The following SYNJ1 variants were observed in gnomAD, a reference collection of about 807,000 sequenced individuals.
SYNJ1 encodes polyphosphatidylinositol phosphatase SYNJ1.
A neutral mutation model predicts 168.2 loss-of-function variants in SYNJ1; 78 were observed. That is an observed-to-expected ratio of 0.46 (90% confidence interval 0.39 to 0.56). SYNJ1 has a LOEUF of 0.56. Among genes scored for constraint, SYNJ1 ranks in the 20% least tolerant of loss-of-function variants. SYNJ1 has a pLI of 0.00. For synonymous variants in SYNJ1, 539 were observed against 548.6 expected, an observed-to-expected ratio of 0.98 and a Z score of 0.24; for missense variants, 1,303 against 1,597.6, an observed-to-expected ratio of 0.82 and a Z score of 3.14.
rs369372843 is a variant in SYNJ1 at position 32,681,554 on chromosome 21, T to C, written c.1295A>G (p.Asn432Ser). Residue 432 changes from asparagine (N) to serine (S), a missense_variant, in exon 11 of 33, where the codon AAT becomes AGT. Physicochemically the swap from Asn to Ser is conservative, Grantham distance 46 (BLOSUM62 1). Around this residue, in one of 2 missense-constraint regions of SYNJ1, gnomAD observed 920 missense variants for 1,208.8 expected, o/e 0.76. Transcript: ENST00000674351. ...QEVFRSMWSV[N>S]GDSISKIYAG... is the part of the protein sequence containing the mutation. ...ATATATCTTACTGATTGAATCACCATTCACGGACCACATTGACCGAAAAAC... is the reference window on the plus strand; with the variant it reads ...ATATATCTTACTGATTGAATCACCACTCACGGACCACATTGACCGAAAAAC... 6.2e-7 allele frequency: 1 copy of C among 1,613,766 alleles called. No individual in the cohort carries two copies. Among genetic ancestry groups the C allele is most frequent in the Non-Finnish European group, 8.5e-7 (1 of 1,179,864 alleles).
At chr21:32,695,432 A>T (rs901079782) in intron 4 of SYNJ1, 150 bp from the exon 5 acceptor site, 3 of 754,462 alleles carry the variant, frequency 4.0e-6, no homozygotes, top group Non-Finnish European at 6.2e-6. Flanking sequence ...TATGCTAGGG[A>T]TCAGAAGATA....
chr21:32,637,406 C>CTTTTTTTTTTTTTTTTTT (rs5843562), intron 31 of SYNJ1, among the ~76,000 whole-genome samples: 1 of 100,298 alleles, frequency 1.0e-5, no homozygotes, highest in African/African-American at 4.1e-5. Context: ...TTTCTTTTTT[C>CTTTTTTTTTTTTTTTTTT]TTTTTTTTTT....
At chr21:32,660,068 C>T (rs1024359825) in intron 18 of SYNJ1, among the ~76,000 whole-genome samples, 8 of 152,222 alleles carry the variant, frequency 5.3e-5, no homozygotes, top group African/African-American at 1.9e-4. Flanking sequence ...CTAGGACTAC[C>T]AGATTTGACA....
rs1407621846 is a variant in SYNJ1 at position 32,695,101 on chromosome 21, T to C, written c.661A>G (p.Thr221Ala). The C allele has an allele frequency of 5.0e-6, 8 of 1,614,162 alleles. No homozygotes were observed. The highest frequency in any genetic ancestry group is 6.8e-6 in the Non-Finnish European group (8 of 1,180,018). Residue 221 changes from threonine (T) to alanine (A), a missense_variant, in exon 5 of 33, where the codon ACA (threonine) becomes GCA (alanine). Physicochemically the swap from Thr to Ala is moderately conservative, Grantham distance 58 (BLOSUM62 0). Transcript: ENST00000674351. The part of the protein sequence containing the change: ...RAGTRFNVRG[T>A]NDDGHVANFV... ...TTGGCAACATGACCATCATCATTTG[T>C]TCCCCGGACATTAAACCTGGTCCCA... is the stretch of plus-strand genomic sequence containing the variant.
At chr21:32,649,784 C>T (rs2040206878) in intron 23 of SYNJ1, among the ~76,000 whole-genome samples, 1 of 152,204 alleles carries the variant, frequency 6.6e-6, no homozygotes, top group African/African-American at 2.4e-5. Flanking sequence ...CAGCCTCGCT[C>T]TGTTGCCCAG....
At position 32,685,181 on chromosome 21, in the gene SYNJ1, CAAAAAAAAAA is replaced by C. The variant is rs553002012; in HGVS notation, c.1118+557_1118+566del. On this transcript the variant is annotated intron_variant, in intron 9 of 32. Transcript: ENST00000674351. ...TGGGCGACAGAGCGAGACTCCGTCTCAAAAAAAAAAAAAAAAAAGACTTAAGTACACTGCC... is the reference window on the plus strand; with the variant it reads ...TGGGCGACAGAGCGAGACTCCGTCTCAAAAAAAAGACTTAAGTACACTGCC... Among the ~76,000 whole-genome samples the C allele has an allele frequency of 6.9e-5, 4 of 57,698 alleles. No homozygotes were observed. The South Asian group carries it at 2.2e-3, about 32-fold the overall frequency. The allele number at this position is 57,698 out of a possible 152,430, so 37.9% of individuals were successfully genotyped here. A position where few individuals can be genotyped will look rare whatever the true frequency, so the allele number is the denominator to read the frequency against.
chr21:32,727,884 GCCCGCCC>G, intron 1 of SYNJ1, 55 bp downstream of exon 1: 3 of 1,526,360 alleles, frequency 2.0e-6, no homozygotes, highest in Non-Finnish European at 2.6e-6. Context: ...GGAGGCGTCC[GCCCGCCC>G]GGCTGCCCGT....
chr21:32,681,800 A>C, intron 10 of SYNJ1, 152 bp from the exon 11 acceptor site: 1 of 598,716 alleles, frequency 1.7e-6, no homozygotes, highest in Non-Finnish European at 2.7e-6. Context: ...AGGCTGAGTT[A>C]TTTCCCATCA....
Position 32,726,776 on chromosome 21 carries a change from C to G in SYNJ1, c.120G>C (p.Val40=). Residue 40 remains valine, a synonymous_variant, in exon 2 of 33, where the codon GTG becomes GTC. Coordinates refer to ENST00000674351, the MANE Select transcript of SYNJ1 (RefSeq NM_203446.3). ...GGGCTCTAACAGATGACTTACAGAG[C>G]ACAGCGACAGCCCCAGACTCGAACA... ...CLMFESGAVA[V]LSSAEKEAIK... The G allele has an allele frequency of 6.2e-7, 1 of 1,614,056 alleles. No homozygotes were observed. Among genetic ancestry groups the G allele is most frequent in the South Asian group, 1.1e-5 (1 of 91,078 alleles).
intron 10 of SYNJ1, among the ~76,000 whole-genome samples, chr21:32,683,778 A>G (rs1001695742): frequency 2.0e-5 from 3 of 152,154 alleles, no homozygotes; most frequent in Non-Finnish European, 4.4e-5. Flanking sequence ...TTGAAATACT[A>G]TAAACAGCAG....
At chr21:32,656,022 A>T (rs907091086) in intron 21 of SYNJ1, among the ~76,000 whole-genome samples, 2 of 152,228 alleles carry the variant, frequency 1.3e-5, no homozygotes, top group Non-Finnish European at 2.9e-5. Flanking sequence ...TTAAAAAAAA[A>T]TAGCAATCAC....
chr21:32,657,793 G>A lies in SYNJ1; in HGVS notation c.2384C>T (p.Thr795Ile). 2 of 1,614,098 alleles carry A rather than the reference G, an allele frequency of 1.2e-6. No homozygotes were observed. The highest frequency in any genetic ancestry group is 1.7e-6 in the Non-Finnish European group (2 of 1,179,990). Reference protein sequence around the residue: ...KYDLFSDDYDTSEKCRTPAWT... With the variant: ...KYDLFSDDYDISEKCRTPAWT... The stretch of plus-strand genomic sequence containing the variant: ...GGCAGGGGTGCGGCACTTTTCACTG[G>A]TGTCATAGTCGTCAGAAAACAAGTC... The change falls in exon 19 of 33, where the codon ACC becomes ATC. Residue 795 changes from threonine to isoleucine, a missense_variant. Transcript: ENST00000674351.
Position 32,646,598 on chromosome 21 carries a change from A to T in SYNJ1, c.3042T>A (p.Asp1014Glu), listed in dbSNP as rs115353088. Residue 1014 changes from aspartate (D) to glutamate (E), a missense_variant, in exon 24 of 33, where the codon GAT (aspartate) becomes GAA (glutamate). Transcript: ENST00000674351. ...CCACTTCAGCACTATAGTCATCAAC[A>T]TCACCTAAGGAAAAGCAGGCTTGAT... ...EVAADFDMEG[D>E]VDDYSAEVEE... The T allele has an allele frequency of 2.0e-5, 32 of 1,613,554 alleles. No individual in the cohort carries two copies. The East Asian group carries it at 6.9e-4, about 35-fold the overall frequency.
At position 32,641,960 on chromosome 21, in the gene SYNJ1, C is replaced by G. The variant is rs994115947; in HGVS notation, c.3524G>C (p.Ser1175Thr). Residue 1175 changes from serine to threonine, a missense_variant, in exon 29 of 33, where the codon AGT becomes ACT. Physicochemically the swap from Ser to Thr is moderately conservative, Grantham distance 58. Coordinates refer to ENST00000674351, the MANE Select transcript of SYNJ1 (RefSeq NM_203446.3). ...AAGTCCTGCTTGAGGTGAAGGCTGA[C>G]TGCGTCCTGGAACAAAGACATCATA... The part of the protein sequence containing the change: ...GTTRKDNIGR[S>T]QPSPQAGLAG... The G allele has an allele frequency of 6.2e-7, 1 of 1,613,934 alleles. No homozygotes were observed.
At position 32,650,290 on chromosome 21, in the gene SYNJ1, C is replaced by T. The variant is rs2040227548; in HGVS notation, c.2931G>A (p.Leu977=). 1.2e-6 allele frequency: 2 copies of T among 1,613,836 alleles called. No homozygotes were observed. The highest frequency in any genetic ancestry group is 1.1e-5 in the South Asian group (1 of 91,040). The change falls in exon 23 of 33, where the codon TTG becomes TTA. Residue 977 remains leucine, a synonymous_variant. Transcript: ENST00000674351. ...ALKSPDWIKN[L]EEEMSLEKIS... is the part of the protein sequence containing the mutation. Reference sequence around the variant, plus strand: ...TTTTCTCTAAACTCATTTCTTCTTCCAAATTTTTGATCCAGTCTGGACTTT... The same window carrying T: ...TTTTCTCTAAACTCATTTCTTCTTCTAAATTTTTGATCCAGTCTGGACTTT...
intron 16 of SYNJ1, 79 bp from the exon 17 acceptor site, chr21:32,666,214 A>C: frequency 2.0e-6 from 3 of 1,486,020 alleles, no homozygotes; most frequent in Non-Finnish European, 2.7e-6. Context: ...AATATACATA[A>C]TCATTTAAGT....
chr21:32,644,963 G>A lies in SYNJ1; in HGVS notation c.3430+5C>T. The stretch of plus-strand genomic sequence containing the variant: ...TCACACATGCTAACAAATGTAAATG[G>A]TTACCTCCAAATTCCTTTCTAGTGG... On this transcript the variant is annotated splice_donor_5th_base_variant and intron_variant, in intron 26 of 32. Coordinates refer to ENST00000674351, the MANE Select transcript of SYNJ1 (RefSeq NM_203446.3). 1.2e-6 allele frequency: 2 copies of A among 1,606,782 alleles called. No homozygotes were observed. Among genetic ancestry groups the A allele is most frequent in the Non-Finnish European group, 1.7e-6 (2 of 1,177,390 alleles).
intron 9 of SYNJ1, among the ~76,000 whole-genome samples, chr21:32,685,079 G>A (rs1195619044): frequency 3.3e-5 from 5 of 151,422 alleles, no homozygotes; most frequent in African/African-American, 1.2e-4. Context: ...CTACTCAGGA[G>A]GCTGAGGCAG....
intron 2 of SYNJ1, among the ~76,000 whole-genome samples, chr21:32,714,089 G>T (rs994485423): frequency 6.6e-6 from 1 of 152,084 alleles, no homozygotes; most frequent in South Asian, 2.1e-4. Flanking sequence ...TTTTCTACAT[G>T]TATTATAATT....
Sources: allele counts gnomAD v4.1 joint callset (sites outside exome capture counted in the v4.1 genomes callset), GRCh38; gene constraint gnomAD v4.1.1; regional missense constraint gnomAD v4.1.1; transcripts MANE v1.5; gene names NCBI Gene and HGNC (gene_info 2026-07-23, HGNC 2026-07-21).